The following RSRC2 variants were observed in gnomAD, a reference collection of about 807,000 sequenced individuals.
RSRC2 encodes arginine and serine rich coiled-coil 2.
RSRC2 carries 5 observed loss-of-function variants against 61.3 expected under a neutral mutation model. The observed-to-expected ratio is 0.08, with a 90% CI of 0.04 to 0.17. The LOEUF (loss-of-function observed/expected upper bound fraction) is 0.17, where lower values mean the gene tolerates loss of function less well. Ranked by LOEUF, RSRC2 falls within the 10% of genes least tolerant of loss-of-function variation. RSRC2 has a pLI of 1.00. For synonymous variants in RSRC2, 202 were observed against 166.5 expected, an observed-to-expected ratio of 1.21 and a Z score of -1.64; for missense variants, 381 against 518.8, an observed-to-expected ratio of 0.73 and a Z score of 2.58.
At chr12:122,506,740 C>G in intron 9 of RSRC2, 94 bp downstream of exon 9, 1 of 765,438 alleles carries the variant, frequency 1.3e-6, no homozygotes. Context: ...AACGCTGACA[C>G]CTGAGTAAAG....
At chr12:122,507,899 C>G (rs868760576) in intron 8 of RSRC2, 2 of 386,112 alleles carry the variant, frequency 5.2e-6, no homozygotes, top group Non-Finnish European at 9.9e-6. Context: ...ATCCCAGGCT[C>G]AAGCGATTCT....
At chr12:122,526,305 A>G (rs1224247392) in intron 1 of RSRC2, 2 of 153,210 alleles carry the variant, frequency 1.3e-5, no homozygotes, top group African/African-American at 4.8e-5. Context: ...TAGCTCGTTA[A>G]TACACAATAA....
In RSRC2 at chr12:122,526,906, T is replaced by C. The variant is rs370050890; in HGVS notation, c.-53A>G. The C allele has an allele frequency of 1.8e-5, 29 of 1,609,440 alleles. No homozygotes were observed. Among genetic ancestry groups the C allele is most frequent in the Admixed American group, 5.0e-5 (3 of 59,972 alleles). ...CGCCTCCACTTGTCGCTTTCAACAGTACCGGCCGCTCCGAAGCTTCGCCTC... is the reference window on the plus strand; with the variant it reads ...CGCCTCCACTTGTCGCTTTCAACAGCACCGGCCGCTCCGAAGCTTCGCCTC... On this transcript the variant is annotated 5_prime_UTR_variant, in exon 1 of 10. Coordinates refer to ENST00000331738, the MANE Select transcript of RSRC2 (RefSeq NM_023012.6).
rs150075557 is a variant in RSRC2 at position 122,520,795 on chromosome 12, CTT to C, written c.207+588_207+589del. On this transcript the variant is annotated intron_variant, in intron 3 of 9. Transcript: ENST00000331738. Reference sequence around the variant, plus strand: ...TTCTACACTTCCTTATTGGCTCATTCTTTGTCTTCTCAGGTGGGTGAACAAGT... The same window carrying C: ...TTCTACACTTCCTTATTGGCTCATTCTGTCTTCTCAGGTGGGTGAACAAGT... 418 of 328,706 alleles carry C rather than the reference CTT, an allele frequency of 1.3e-3. 3 individuals carry two copies. Among genetic ancestry groups the C allele is most frequent in the African/African-American group, 8.6e-3 (397 of 46,290 alleles). 20.4% of individuals were successfully genotyped at this position (328,706 alleles called of 1,614,324 possible).
At chr12:122,518,792 T>C (rs945660663) in intron 4 of RSRC2, 47 bp downstream of exon 4, 1 of 1,457,672 alleles carries the variant, frequency 6.9e-7, no homozygotes, top group Non-Finnish European at 9.6e-7. Flanking sequence ...TGAGAAACTT[T>C]ATGTAACTTG....
At chr12:122,513,384 A>C (rs1048212598) in intron 6 of RSRC2, among the ~76,000 whole-genome samples, 28 of 151,954 alleles carry the variant, frequency 1.8e-4, no homozygotes, top group Non-Finnish European at 4.1e-4. Flanking sequence ...TTAAGAAAAA[A>C]ATTCTCCAGA....
intron 3 of RSRC2, chr12:122,520,586 G>C (rs778259861): frequency 7.3e-7 from 1 of 1,364,704 alleles, no homozygotes; most frequent in Admixed American, 1.9e-5. Flanking sequence ...AGCACGCTGA[G>C]TATGATTTAT....
chr12:122,521,781 A>G (rs1200854975), intron 2 of RSRC2, among the ~76,000 whole-genome samples: 2 of 152,238 alleles, frequency 1.3e-5, no homozygotes, highest in African/African-American at 4.8e-5. Flanking sequence ...AACTAAAGAA[A>G]ATAAACAGGT....
At chr12:122,525,305 G>A (rs1371470217) in intron 1 of RSRC2, among the ~76,000 whole-genome samples, 2 of 152,148 alleles carry the variant, frequency 1.3e-5, no homozygotes, top group Non-Finnish European at 2.9e-5. Context: ...GAACCCGGGA[G>A]GCGGAGGTTG....
At chr12:122,508,193 A>C (rs1230272515) in intron 8 of RSRC2, 25 bp downstream of exon 8, 2 of 1,587,508 alleles carry the variant, frequency 1.3e-6, no homozygotes, top group Non-Finnish European at 1.7e-6. Flanking sequence ...AATAAACGAC[A>C]GAAAAGCAGA....
chr12:122,519,080 G>T, intron 3 of RSRC2, 51 bp from the exon 4 acceptor site: 1 of 1,458,408 alleles, frequency 6.9e-7, no homozygotes, highest in Non-Finnish European at 9.6e-7. Context: ...AACAAAGAGA[G>T]TTAGTATGGG....
chr12:122,504,212 CCAAAGGATTTTT>C lies in RSRC2; in HGVS notation c.*1303_*1314del, dbSNP rs1301254854. On this transcript the variant is annotated 3_prime_UTR_variant, in exon 10 of 10. Coordinates refer to ENST00000331738, the MANE Select transcript of RSRC2 (RefSeq NM_023012.6). ...ATGTGCTCTCATTCTGTGATGTTTTCCAAAGGATTTTTCAAAGGAAAGCCAAACCTTATTACT... is the reference window on the plus strand; with the variant it reads ...ATGTGCTCTCATTCTGTGATGTTTTCCAAAGGAAAGCCAAACCTTATTACT... 3 of 151,728 alleles carry C rather than the reference CCAAAGGATTTTT, an allele frequency of 2.0e-5. No homozygotes were observed. Among genetic ancestry groups the C allele is most frequent in the African/African-American group, 7.3e-5 (3 of 41,012 alleles). The allele number at this position is 151,728 out of a possible 1,614,324, so 9.4% of individuals were successfully genotyped here.
rs930837041 is a variant in RSRC2 at position 122,521,299 on chromosome 12, G to C, written c.207+86C>G. On this transcript the variant is annotated intron_variant, in intron 3 of 9. Coordinates refer to ENST00000331738, the MANE Select transcript of RSRC2 (RefSeq NM_023012.6). ...AAATTTCAAGTTTTGTACTTACCTT[G>C]ACAACGTCTTATATTCATACAAATC... 2.6e-5 allele frequency: 26 copies of C among 1,009,366 alleles called. No homozygotes were observed. The African/African-American group carries it at 4.0e-4, about 16-fold the overall frequency. 62.5% of individuals were successfully genotyped at this position (1,009,366 alleles called of 1,614,324 possible).
At position 122,522,109 on chromosome 12, in the gene RSRC2, G is replaced by A. The variant is rs757484588; in HGVS notation, c.163+34C>T. The A allele has an allele frequency of 5.1e-6, 8 of 1,583,106 alleles. No individual in the cohort carries two copies. In the East Asian group the frequency reaches 1.6e-4, roughly 31 times the overall value. ...ACAGGTCTACATATCTTATACAAATGCTGAGAGTTGTAACCACCTTTAAGA... is the reference window on the plus strand; with the variant it reads ...ACAGGTCTACATATCTTATACAAATACTGAGAGTTGTAACCACCTTTAAGA... On this transcript the variant is annotated intron_variant, in intron 2 of 9. Coordinates refer to ENST00000331738, the MANE Select transcript of RSRC2 (RefSeq NM_023012.6).
rs4758660 is a variant in RSRC2 at position 122,504,688 on chromosome 12, A to C, written c.*839T>G. On this transcript the variant is annotated 3_prime_UTR_variant, in exon 10 of 10. Transcript: ENST00000331738. The stretch of plus-strand genomic sequence containing the variant: ...TATTTTATAGTCTATGCTGGAGAAG[A>C]CTTCAAAGGGATAATGAGCAAAAAG... 0.47 allele frequency: 72,037 copies of C among 152,454 alleles called. 18,438 individuals carry two copies. The highest frequency in any genetic ancestry group is 0.55 in the Non-Finnish European group (37,326 of 67,968). The allele number at this position is 152,454 out of a possible 1,614,324, so 9.4% of individuals were successfully genotyped here.
intron 6 of RSRC2, among the ~76,000 whole-genome samples, chr12:122,512,726 C>CAA (rs575681568): frequency 8.4e-5 from 7 of 83,370 alleles, no homozygotes; most frequent in Admixed American, 2.6e-4. Flanking sequence ...GACTTCATCT[C>CAA]AAAAAAAAAA....
chr12:122,520,039 T>A (rs12296400), intron 3 of RSRC2: 6,521 of 156,070 alleles, frequency 0.042, 470 homozygotes, highest in African/African-American at 0.15. Context: ...ATGGGTGAGC[T>A]GAACCTTCCC....
Position 122,517,198 on chromosome 12 carries a change from A to C in RSRC2, c.602+29T>G, listed in dbSNP as rs764083820. On this transcript the variant is annotated intron_variant, in intron 5 of 9. Coordinates refer to ENST00000331738, the MANE Select transcript of RSRC2 (RefSeq NM_023012.6). ...AAACAGACTCTCTGAGGGTCCTATT[A>C]AATTTTATTCAGGATGATGGTCACC... The C allele has an allele frequency of 1.9e-6, 3 of 1,613,174 alleles. No individual in the cohort carries two copies. The South Asian group carries it at 3.3e-5, about 18-fold the overall frequency.
At chr12:122,515,343 ATG>A in intron 5 of RSRC2, 116 bp from the exon 6 acceptor site, 1 of 1,046,850 alleles carries the variant, frequency 9.6e-7, no homozygotes, top group Non-Finnish European at 1.4e-6. Flanking sequence ...TTAGTTTGAG[ATG>A]CAAAAGATTT....
Sources: gnomAD v4.1 joint callset for allele counts (sites outside exome capture counted in the v4.1 genomes callset) on GRCh38, gnomAD v4.1.1 for gene constraint, MANE v1.5 for transcripts, NCBI Gene and HGNC (gene_info 2026-07-23, HGNC 2026-07-21) for gene names.